KIF26B: variants seen among roughly 807,000 people sequenced by gnomAD.
KIF26B encodes kinesin-like protein KIF26B.
A neutral mutation model predicts 151.2 loss-of-function variants in KIF26B; 63 were observed. The observed-to-expected ratio is 0.42, with a 90% CI of 0.34 to 0.51. The LOEUF is 0.51. Among genes scored for constraint, KIF26B ranks in the 20% least tolerant of loss-of-function variants. KIF26B has a pLI of 0.07. For synonymous variants in KIF26B, 1,357 were observed against 1,262.1 expected, an observed-to-expected ratio of 1.08 and a Z score of -1.59; for missense variants, 2,813 against 2,913.6, an observed-to-expected ratio of 0.97 and a Z score of 0.79.
chr1:245,690,381 G>C (rs2044608680), intron 12 of KIF26B, among the ~76,000 whole-genome samples: 1 of 152,178 alleles, frequency 6.6e-6, no homozygotes, highest in Non-Finnish European at 1.5e-5. Context: ...GGAAGTAAAA[G>C]ATGGGGTGAG....
At chr1:245,181,895 A>G (rs1668914818) in intron 2 of KIF26B, among the ~76,000 whole-genome samples, 1 of 152,102 alleles carries the variant, frequency 6.6e-6, no homozygotes, top group Admixed American at 6.6e-5. Context: ...TTTGAGGACC[A>G]GATAGTTTGG....
intron 10 of KIF26B, among the ~76,000 whole-genome samples, chr1:245,664,559 C>T (rs2044192906): frequency 6.6e-6 from 1 of 152,018 alleles, no homozygotes; most frequent in Admixed American, 6.6e-5. Flanking sequence ...ATTATTATTT[C>T]ATGTTTTGAA....
intron 3 of KIF26B, among the ~76,000 whole-genome samples, chr1:245,394,164 T>C (rs1673766176): frequency 6.6e-6 from 1 of 152,234 alleles, no homozygotes; most frequent in African/African-American, 2.4e-5. Context: ...TGGCTCCAGC[T>C]GTTAAAATCC....
chr1:245,465,315 G>A (rs1659761315), intron 4 of KIF26B, among the ~76,000 whole-genome samples: 1 of 152,082 alleles, frequency 6.6e-6, no homozygotes, highest in Non-Finnish European at 1.5e-5. Context: ...CCTGTGGGTG[G>A]GGACTGTTCC....
chr1:245,265,611 A>G (rs1670731033), intron 2 of KIF26B, among the ~76,000 whole-genome samples: 1 of 149,490 alleles, frequency 6.7e-6, no homozygotes, highest in Non-Finnish European at 1.5e-5. Flanking sequence ...TTTTAAAGAC[A>G]GGGTCTCACT....
intron 2 of KIF26B, among the ~76,000 whole-genome samples, chr1:245,196,437 C>T (rs894159271): frequency 6.6e-6 from 1 of 152,186 alleles, no homozygotes; most frequent in Non-Finnish European, 1.5e-5. Flanking sequence ...TGCTCAAAGC[C>T]CTTCCCTGGC....
intron 4 of KIF26B, among the ~76,000 whole-genome samples, chr1:245,452,752 A>T (rs575441396): frequency 4.7e-4 from 72 of 152,052 alleles, no homozygotes; most frequent in African/African-American, 1.6e-3. Flanking sequence ...TCTTCTTTGG[A>T]AAAAAAAGTC....
At chr1:245,419,921 T>C (rs914480718) in intron 4 of KIF26B, among the ~76,000 whole-genome samples, 176 bp downstream of exon 4, 3 of 152,182 alleles carry the variant, frequency 2.0e-5, no homozygotes, top group Admixed American at 2.0e-4. Flanking sequence ...CTAACTGTGG[T>C]GGGGACTGTC....
At chr1:245,428,817 T>G (rs1369749021) in intron 4 of KIF26B, among the ~76,000 whole-genome samples, 6 of 152,164 alleles carry the variant, frequency 3.9e-5, no homozygotes, top group African/African-American at 1.2e-4. Flanking sequence ...CGGCTTTGCC[T>G]AGGTTGAAAA....
chr1:245,679,457 G>GTGTTTTTT (rs2044400945), intron 10 of KIF26B, among the ~76,000 whole-genome samples: 1 of 59,176 alleles, frequency 1.7e-5, no homozygotes, highest in African/African-American at 6.0e-5. Context: ...TTTTGTGTGT[G>GTGTTTTTT]TTTTTTTTTT....
chr1:245,197,543 G>T (rs968250667), intron 2 of KIF26B, among the ~76,000 whole-genome samples: 1 of 152,080 alleles, frequency 6.6e-6, no homozygotes, highest in African/African-American at 2.4e-5. Context: ...CATGGCTAAC[G>T]ATGGGGCTGT....
intron 5 of KIF26B, among the ~76,000 whole-genome samples, chr1:245,549,148 G>C (rs1558209996): frequency 6.6e-6 from 1 of 152,136 alleles, no homozygotes; most frequent in Non-Finnish European, 1.5e-5. Flanking sequence ...TAAGTGTGTA[G>C]GAGGAGGAGA....
chr1:245,580,342 A>T (rs1330312698), intron 5 of KIF26B, among the ~76,000 whole-genome samples: 1 of 152,202 alleles, frequency 6.6e-6, no homozygotes, highest in Non-Finnish European at 1.5e-5. Flanking sequence ...ACAGAGAAAA[A>T]GATACTACCC....
rs1386823160 is a variant in KIF26B at position 245,227,917 on chromosome 1, G to A, written c.465+71234G>A. ...CTTAGGAGGCTGAGGCAGGAGAATC[G>A]CTTGAACCCGGGAGGCGGAGGTTGC... On this transcript the variant is annotated intron_variant, in intron 2 of 14. Coordinates refer to ENST00000407071, the MANE Select transcript of KIF26B (RefSeq NM_018012.4). The surrounding 1 kb of genome is among the most constrained non-coding windows in gnomAD (Gnocchi z 4.1). Among the ~76,000 whole-genome samples, 4 of 152,200 alleles carry A rather than the reference G, an allele frequency of 2.6e-5. No individual in the cohort carries two copies. Among genetic ancestry groups the A allele is most frequent in the Middle Eastern group, 3.4e-3 (1 of 294 alleles).
At chr1:245,212,357 C>T (rs1189254725) in intron 2 of KIF26B, among the ~76,000 whole-genome samples, 1 of 152,150 alleles carries the variant, frequency 6.6e-6, no homozygotes, top group African/African-American at 2.4e-5. Flanking sequence ...GCAGGACACC[C>T]TGCCGCCCGT....
intron 4 of KIF26B, among the ~76,000 whole-genome samples, chr1:245,460,800 C>T (rs1425775323): frequency 6.6e-6 from 1 of 152,196 alleles, no homozygotes; most frequent in Non-Finnish European, 1.5e-5. Context: ...CAGCTCAAAA[C>T]GGTGCCACCC....
At chr1:245,551,602 G>A (rs1558210929) in intron 5 of KIF26B, among the ~76,000 whole-genome samples, 1 of 152,142 alleles carries the variant, frequency 6.6e-6, no homozygotes, top group Non-Finnish European at 1.5e-5. Context: ...AGGTGCTGGA[G>A]GACTAATAAC....
At chr1:245,440,566 G>C (rs1477311643) in intron 4 of KIF26B, among the ~76,000 whole-genome samples, 1 of 152,100 alleles carries the variant, frequency 6.6e-6, no homozygotes, top group African/African-American at 2.4e-5. Flanking sequence ...CAAAGCCAGG[G>C]GTGTTCGGGA....
rs962108460 is a variant in KIF26B, at chr1:245,241,311, G to A, written c.465+84628G>A. 6.6e-6 allele frequency among the ~76,000 whole-genome samples: 1 copy of A among 152,152 alleles called. No individual in the cohort carries two copies. Among genetic ancestry groups the A allele is most frequent in the Non-Finnish European group, 1.5e-5 (1 of 68,038 alleles). The stretch of plus-strand genomic sequence containing the variant: ...GTGCCCCGACAGAGGAAAAGCGGCC[G>A]GTGGGTTTTAGATCCTCATTTGGCC... On this transcript the variant is annotated intron_variant, in intron 2 of 14. Transcript: ENST00000407071. This position sits in a 1 kb window ranked among gnomAD's most constrained non-coding sequence, Gnocchi z 5.0.
Sources: allele counts gnomAD v4.1 joint callset (sites outside exome capture counted in the v4.1 genomes callset), GRCh38; gene constraint gnomAD v4.1.1; non-coding constraint Gnocchi (gnomAD v3.1); transcripts MANE v1.5; gene names NCBI Gene and HGNC (gene_info 2026-07-23, HGNC 2026-07-21).